MKX: variants seen among roughly 807,000 people sequenced by gnomAD.
MKX encodes mohawk homeobox.
In MKX, 13 loss-of-function variants were observed where a neutral mutation model predicts 36.0. The observed-to-expected ratio is 0.36, with a 90% confidence interval of 0.24 to 0.57. The LOEUF (loss-of-function observed/expected upper bound fraction) is 0.57. MKX is among the 20% of genes least tolerant of loss of function. The probability of loss-of-function intolerance (pLI) is 0.79; values close to 1 mark genes in which losing one functional copy is unlikely to be tolerated. For synonymous variants in MKX, 176 were observed against 178.3 expected (o/e 0.99, Z 0.10); for missense variants, 458 against 456.4 (o/e 1.00, Z -0.03).
chr10:27,739,898 T>C (rs1413116140), intron 3 of MKX, among the ~76,000 whole-genome samples: 1 of 152,200 alleles, frequency 6.6e-6, no homozygotes, highest in Non-Finnish European at 1.5e-5. Flanking sequence ...TTTATTTTCA[T>C]AAGTCAGGTT....
intron 5 of MKX, among the ~76,000 whole-genome samples, chr10:27,722,582 G>GA (rs1387072139): frequency 6.6e-6 from 1 of 152,186 alleles, no homozygotes; most frequent in Middle Eastern, 3.2e-3. Flanking sequence ...CAGAGCTGCT[G>GA]ATTTCTAAGG....
At chr10:27,724,917 T>C (rs1315461025) in intron 5 of MKX, among the ~76,000 whole-genome samples, 1 of 152,068 alleles carries the variant, frequency 6.6e-6, no homozygotes, top group Non-Finnish European at 1.5e-5. Flanking sequence ...CAATTTATAA[T>C]ATCAACTTGT....
At chr10:27,677,309 T>C (rs890742604) in intron 5 of MKX, among the ~76,000 whole-genome samples, 3 of 152,130 alleles carry the variant, frequency 2.0e-5, no homozygotes, top group South Asian at 2.1e-4. Flanking sequence ...TTACGCCCCC[T>C]GCCCCTGCCA....
intron 5 of MKX, among the ~76,000 whole-genome samples, chr10:27,688,489 T>C (rs1389761773): frequency 6.6e-6 from 1 of 152,208 alleles, no homozygotes; most frequent in African/African-American, 2.4e-5. Flanking sequence ...AGAATATCTA[T>C]TAGCTTTAAG....
chr10:27,686,486 T>C (rs563177482), intron 5 of MKX, among the ~76,000 whole-genome samples: 1 of 151,880 alleles, frequency 6.6e-6, no homozygotes, highest in East Asian at 1.9e-4. Flanking sequence ...GAAAAGTCTT[T>C]TCTTTCTTCT....
chr10:27,710,044 TA>T (rs1449312390), intron 5 of MKX, among the ~76,000 whole-genome samples: 1 of 152,240 alleles, frequency 6.6e-6, no homozygotes, highest in Non-Finnish European at 1.5e-5. Context: ...CAATTTGGAC[TA>T]GTCATATTTC....
chr10:27,673,724 TG>T lies in MKX; in HGVS notation c.*1504del, dbSNP rs1836090637. 1.3e-5 allele frequency: 2 copies of T among 152,488 alleles called. No individual in the cohort carries two copies. The highest frequency in any genetic ancestry group is 2.9e-5 in the Non-Finnish European group (2 of 67,988). 9.4% of individuals were successfully genotyped at this position (152,488 alleles called of 1,614,324 possible). A position where few individuals can be genotyped will look rare whatever the true frequency, so the allele number is the denominator to read the frequency against. On this transcript the variant is annotated 3_prime_UTR_variant, in exon 7 of 7. Transcript: ENST00000419761. ...CCCAATCCCCAAATGTTATGTTACA[TG>T]AAAAAGTGTCCTACAATTTAGATCA...
chr10:27,714,009 C>CAAAAA (rs10632508), intron 5 of MKX, among the ~76,000 whole-genome samples: 55,945 of 102,070 alleles, frequency 0.55, 16,056 homozygotes, highest in Non-Finnish European at 0.7. Context: ...GTGCAAAGAC[C>CAAAAA]AAAAAAAAAA....
chr10:27,729,555 C>T (rs111897017), intron 5 of MKX, among the ~76,000 whole-genome samples: 2,467 of 152,012 alleles, frequency 0.016, 59 homozygotes, highest in African/African-American at 0.056. Context: ...GATCCACTGG[C>T]CTCGGCTTCC....
chr10:27,702,765 A>G (rs559720124), intron 5 of MKX, among the ~76,000 whole-genome samples: 37 of 152,150 alleles, frequency 2.4e-4, no homozygotes, highest in Non-Finnish European at 4.1e-4. Flanking sequence ...GGCCTTCTCA[A>G]TGTTAACCAA....
At chr10:27,685,735 C>T (rs1395745144) in intron 5 of MKX, among the ~76,000 whole-genome samples, 3 of 152,200 alleles carry the variant, frequency 2.0e-5, no homozygotes, top group African/African-American at 7.2e-5. Flanking sequence ...CAGGCGTCAG[C>T]CACCACACCC....
At chr10:27,687,374 G>T (rs1380144250) in intron 5 of MKX, among the ~76,000 whole-genome samples, 1 of 152,146 alleles carries the variant, frequency 6.6e-6, no homozygotes, top group African/African-American at 2.4e-5. Context: ...ATATCTCGAA[G>T]CTCTCAGGCT....
chr10:27,740,278 G>A (rs1834864663), intron 3 of MKX, among the ~76,000 whole-genome samples: 1 of 152,042 alleles, frequency 6.6e-6, no homozygotes, highest in Admixed American at 6.5e-5. Flanking sequence ...TGTAAATTTA[G>A]CGGAATGGCC....
At chr10:27,731,904 C>T (rs1002970850) in intron 5 of MKX, among the ~76,000 whole-genome samples, 1 of 152,120 alleles carries the variant, frequency 6.6e-6, no homozygotes, top group Non-Finnish European at 1.5e-5. Context: ...ATGTTTTTAC[C>T]AGGCAATGTT....
At chr10:27,707,873 C>T (rs1247832854) in intron 5 of MKX, among the ~76,000 whole-genome samples, 1 of 152,182 alleles carries the variant, frequency 6.6e-6, no homozygotes, top group Admixed American at 6.5e-5. Context: ...CTTATATCCT[C>T]TAAACAAAAA....
chr10:27,735,114 C>T, intron 4 of MKX, 107 bp downstream of exon 4: 5 of 1,057,146 alleles, frequency 4.7e-6, no homozygotes, highest in East Asian at 2.7e-5. Flanking sequence ...AAAAAAGAAC[C>T]GTTAAGGCAC....
chr10:27,698,090 T>C lies in MKX; in HGVS notation c.839-22536A>G, dbSNP rs145425673. Among the ~76,000 whole-genome samples the C allele has an allele frequency of 2.6e-5, 4 of 152,264 alleles. No homozygotes were observed. The East Asian group carries it at 7.7e-4, about 29-fold the overall frequency. On this transcript the variant is annotated intron_variant, in intron 5 of 6. Coordinates refer to ENST00000419761, the MANE Select transcript of MKX (RefSeq NM_173576.3). ...GAGAGAAGCAGCCCAAGGAGAGGGA[T>C]GAGCTGTATGAAAGTGCAATGTCTT...
intron 5 of MKX, among the ~76,000 whole-genome samples, chr10:27,733,150 G>A (rs990818312): frequency 2.0e-5 from 3 of 152,096 alleles, no homozygotes; most frequent in African/African-American, 7.2e-5. Context: ...TTTGGAGTTT[G>A]TTTTTATTGT....
intron 5 of MKX, among the ~76,000 whole-genome samples, chr10:27,711,750 C>CCT (rs1491017807): frequency 7.1e-6 from 1 of 140,940 alleles, no homozygotes; most frequent in African/African-American, 3.0e-5. Context: ...ATTTTTAAAA[C>CCT]TCTTTTTTTT....
Sources: allele counts gnomAD v4.1 joint callset (sites outside exome capture counted in the v4.1 genomes callset), GRCh38; gene constraint gnomAD v4.1.1; transcripts MANE v1.5; gene names NCBI Gene and HGNC (gene_info 2026-07-23, HGNC 2026-07-21).